Variants in CIMAP1D observed in about 807,000 individuals in gnomAD.
CIMAP1D encodes the protein protein CIMAP1D.
chr19:485,038 T>G, the CIMAP1D span, among the ~76,000 whole-genome samples: 2 of 151,450 alleles, frequency 1.3e-5, no homozygotes, highest in African/African-American at 4.9e-5. Context: ...GGGCCTGTCT[T>G]GAAGGCAGAA....
the CIMAP1D span, among the ~76,000 whole-genome samples, chr19:488,778 G>A: frequency 6.6e-6 from 1 of 152,164 alleles, no homozygotes; most frequent in Non-Finnish European, 1.5e-5. Flanking sequence ...TCTCCGCCCG[G>A]GGACACCAGG....
chr19:479,198 C>G, the CIMAP1D span, among the ~76,000 whole-genome samples: 1 of 152,296 alleles, frequency 6.6e-6, no homozygotes, highest in East Asian at 1.9e-4. Context: ...GCCATCACCA[C>G]CCAGGCACAA....
At chr19:483,557 G>C in the CIMAP1D span, among the ~76,000 whole-genome samples, 1 of 152,222 alleles carries the variant, frequency 6.6e-6, no homozygotes, top group African/African-American at 2.4e-5. Flanking sequence ...ATTGCCCCCA[G>C]GGGACGCTGG....
At chr19:478,354 G>C in the CIMAP1D span, among the ~76,000 whole-genome samples, 1 of 152,244 alleles carries the variant, frequency 6.6e-6, no homozygotes, top group Non-Finnish European at 1.5e-5. Flanking sequence ...CAGAGACTTG[G>C]TTCCAGCCCG....
chr19:471,154 C>A, the CIMAP1D span, among the ~76,000 whole-genome samples: 3 of 152,162 alleles, frequency 2.0e-5, no homozygotes, highest in Non-Finnish European at 2.9e-5. Flanking sequence ...GTTTTCTTTT[C>A]TTTTCTTTTT....
chr19:472,823 G>A, the CIMAP1D span, among the ~76,000 whole-genome samples: 1 of 149,378 alleles, frequency 6.7e-6, no homozygotes, highest in Admixed American at 6.7e-5. Context: ...GAGATACACG[G>A]TCACAGATGG....
chr19:474,683 G>T, the CIMAP1D span: 1 of 1,574,068 alleles, frequency 6.4e-7, no homozygotes, highest in South Asian at 1.2e-5. Context: ...CTGGCCCTCC[G>T]TCACTCGCCG....
the CIMAP1D span, chr19:467,519 G>A: frequency 4.1e-6 from 3 of 733,818 alleles, no homozygotes; most frequent in Non-Finnish European, 7.3e-6. Context: ...GTGTCCCTTG[G>A]ATTTGATCAC....
At chr19:464,249 G>A in the CIMAP1D span, 2 of 1,534,096 alleles carry the variant, frequency 1.3e-6, no homozygotes, top group Non-Finnish European at 1.8e-6. Context: ...GGGCTGAGGT[G>A]TCCAGGGGCT....
chr19:482,665 A>C, the CIMAP1D span, among the ~76,000 whole-genome samples: 1 of 152,164 alleles, frequency 6.6e-6, no homozygotes. Context: ...CTCTGTGCTC[A>C]CAGGCGCCAC....
chr19:483,404 A>T, the CIMAP1D span, among the ~76,000 whole-genome samples: 1 of 152,150 alleles, frequency 6.6e-6, no homozygotes, highest in Admixed American at 6.6e-5. Context: ...CGTCTAGCAC[A>T]GGCTCCTCCC....
the CIMAP1D span, among the ~76,000 whole-genome samples, chr19:471,527 C>G: frequency 6.6e-6 from 1 of 151,808 alleles, no homozygotes; most frequent in Non-Finnish European, 1.5e-5. Flanking sequence ...ACTGCAGCCC[C>G]GACCTCCTGG....
the CIMAP1D span, chr19:467,607 G>A: frequency 7.7e-7 from 1 of 1,299,638 alleles, no homozygotes; most frequent in Non-Finnish European, 1.1e-6. Context: ...CTGAGACCCT[G>A]GAAAGCAGGT....
the CIMAP1D span, chr19:464,063 C>A: frequency 4.4e-6 from 7 of 1,575,332 alleles, no homozygotes; most frequent in South Asian, 5.7e-5. Flanking sequence ...CAGGCAGGCG[C>A]TGGCGGTAGG....
the CIMAP1D span, among the ~76,000 whole-genome samples, chr19:478,704 G>GAAA: frequency 6.6e-6 from 1 of 152,260 alleles, no homozygotes; most frequent in Non-Finnish European, 1.5e-5. Context: ...TCACAACAGT[G>GAAA]AAAAAAAGGG....
the CIMAP1D span, among the ~76,000 whole-genome samples, chr19:471,843 C>T: frequency 2.0e-5 from 3 of 152,030 alleles, no homozygotes; most frequent in Middle Eastern, 3.2e-3. Context: ...CCCGGCTTCA[C>T]GCCATTCTCC....
the CIMAP1D span, among the ~76,000 whole-genome samples, chr19:467,216 G>A: frequency 6.6e-6 from 1 of 151,598 alleles, no homozygotes; most frequent in South Asian, 2.1e-4. Context: ...GGTGGAGGGT[G>A]GATGGACGGG....
chr19:473,735 A>G, the CIMAP1D span, among the ~76,000 whole-genome samples: 976 of 87,958 alleles, frequency 0.011, 4 homozygotes, highest in East Asian at 0.03. Flanking sequence ...ACGATCACAG[A>G]TGGGGAGACT....
At chr19:484,896 T>C in the CIMAP1D span, among the ~76,000 whole-genome samples, 1 of 151,612 alleles carries the variant, frequency 6.6e-6, no homozygotes, top group Non-Finnish European at 1.5e-5. Flanking sequence ...CTGAATTGGG[T>C]TTGAAGGAAT....
Sources: gnomAD v4.1 joint callset for allele counts (sites outside exome capture counted in the v4.1 genomes callset) on GRCh38, gnomAD v4.1.1 for gene constraint, MANE v1.5 for transcripts, NCBI Gene and HGNC (gene_info 2026-07-23, HGNC 2026-07-21) for gene names.